NKAIN2: variants seen among roughly 807,000 people sequenced by gnomAD.
NKAIN2 encodes sodium/potassium-transporting ATPase subunit beta-1-interacting protein 2.
NKAIN2 carries 14 observed loss-of-function variants against 32.6 expected under a neutral mutation model. That is an observed-to-expected ratio of 0.43 (90% CI 0.28 to 0.67). The LOEUF is 0.67. NKAIN2 is among the 30% of genes least tolerant of loss of function. NKAIN2 has a pLI of 0.17. For missense variants in NKAIN2, 198 were observed against 258.3 expected (o/e 0.77, Z 1.60); for synonymous variants, 80 against 87.2 (o/e 0.92, Z 0.46).
At chr6:124,445,803 T>C (rs1306033905) in intron 3 of NKAIN2, among the ~76,000 whole-genome samples, 1 of 151,846 alleles carries the variant, frequency 6.6e-6, no homozygotes, top group Non-Finnish European at 1.5e-5. Context: ...AAACAGACAC[T>C]GCTGCCCAGG....
At chr6:124,047,295 C>A (rs183455308) in intron 1 of NKAIN2, among the ~76,000 whole-genome samples, 94 of 152,040 alleles carry the variant, frequency 6.2e-4, no homozygotes, top group African/African-American at 2.1e-3. Flanking sequence ...GTATTTGCCA[C>A]AAATAACTAT....
chr6:124,408,405 T>C (rs570202400), intron 3 of NKAIN2, among the ~76,000 whole-genome samples: 358 of 152,342 alleles, frequency 2.3e-3, no homozygotes, highest in African/African-American at 8.0e-3. Context: ...AGTTTCAGCT[T>C]TCTACACATG....
chr6:124,734,367 C>T (rs115377865), intron 4 of NKAIN2, among the ~76,000 whole-genome samples: 6 of 151,894 alleles, frequency 4.0e-5, no homozygotes, highest in African/African-American at 1.4e-4. Flanking sequence ...GCCTTATCTA[C>T]AGTTCACTGT....
chr6:124,616,407 AT>A (rs1262807065), intron 3 of NKAIN2, among the ~76,000 whole-genome samples: 3 of 82,930 alleles, frequency 3.6e-5, no homozygotes, highest in African/African-American at 5.4e-5. Flanking sequence ...TGTTCTTATT[AT>A]TTTTTTCTTT....
At chr6:124,172,300 G>A (rs1387552577) in intron 1 of NKAIN2, among the ~76,000 whole-genome samples, 1 of 152,170 alleles carries the variant, frequency 6.6e-6, no homozygotes. Context: ...AGGTGAAGTG[G>A]AATGGAATGA....
chr6:124,409,453 A>G (rs1007193986), intron 3 of NKAIN2, among the ~76,000 whole-genome samples: 1 of 152,104 alleles, frequency 6.6e-6, no homozygotes, highest in Non-Finnish European at 1.5e-5. Flanking sequence ...TGAGATAATC[A>G]TGTGGTTTTT....
intron 1 of NKAIN2, among the ~76,000 whole-genome samples, chr6:124,151,191 G>A (rs1787700781): frequency 1.3e-5 from 2 of 151,574 alleles, no homozygotes; most frequent in South Asian, 4.2e-4. Flanking sequence ...TTATCATCTA[G>A]TATAACAAAA....
intron 3 of NKAIN2, among the ~76,000 whole-genome samples, chr6:124,405,248 T>G (rs1342254531): frequency 6.6e-6 from 1 of 152,186 alleles, no homozygotes; most frequent in Non-Finnish European, 1.5e-5. Flanking sequence ...CAAAATATGG[T>G]AAAACCACAA....
chr6:124,266,997 T>A (rs1297056021), intron 1 of NKAIN2, among the ~76,000 whole-genome samples: 1 of 151,670 alleles, frequency 6.6e-6, no homozygotes, highest in Non-Finnish European at 1.5e-5. Flanking sequence ...ATAAAGAGAT[T>A]CTATAAAGAT....
intron 3 of NKAIN2, among the ~76,000 whole-genome samples, chr6:124,611,491 A>T (rs1782687224): frequency 6.6e-6 from 1 of 152,200 alleles, no homozygotes; most frequent in Non-Finnish European, 1.5e-5. Context: ...TAAGCCCTGC[A>T]TGCATTAAGT....
At chr6:124,093,606 A>G (rs1004272259) in intron 1 of NKAIN2, among the ~76,000 whole-genome samples, 1 of 152,138 alleles carries the variant, frequency 6.6e-6, no homozygotes, top group Admixed American at 6.5e-5. Flanking sequence ...AGATTTAGAA[A>G]TATGTATAGT....
intron 3 of NKAIN2, among the ~76,000 whole-genome samples, chr6:124,481,795 T>G (rs1225095524): frequency 2.0e-5 from 3 of 152,008 alleles, no homozygotes; most frequent in African/African-American, 7.2e-5. Flanking sequence ...GAGACTTGAG[T>G]GTTTCTATAG....
At chr6:124,700,550 G>C (rs895845563) in intron 4 of NKAIN2, among the ~76,000 whole-genome samples, 2 of 152,090 alleles carry the variant, frequency 1.3e-5, no homozygotes, top group East Asian at 3.9e-4. Flanking sequence ...ATTTCTGCCA[G>C]CTTTCTTCAA....
chr6:124,246,164 T>C (rs1793384984), intron 1 of NKAIN2, among the ~76,000 whole-genome samples: 1 of 152,088 alleles, frequency 6.6e-6, no homozygotes, highest in African/African-American at 2.4e-5. Context: ...ACTAATAAGA[T>C]AGTGTTTCAA....
intron 2 of NKAIN2, among the ~76,000 whole-genome samples, chr6:124,334,061 A>G (rs1285190141): frequency 1.3e-5 from 2 of 152,182 alleles, no homozygotes; most frequent in Non-Finnish European, 2.9e-5. Flanking sequence ...CCTGCTATCC[A>G]TGTTTCCGTC....
At chr6:124,381,343 C>T (rs1772626026) in intron 3 of NKAIN2, among the ~76,000 whole-genome samples, 1 of 152,016 alleles carries the variant, frequency 6.6e-6, no homozygotes, top group African/African-American at 2.4e-5. Flanking sequence ...ATATTCATAG[C>T]TATCACAGAA....
rs1238080569 is a variant in NKAIN2 at position 124,353,398 on chromosome 6, TA to T, written c.193-1861del. ...GGAGGTGATATTTGAATTAACCTTT[TA>T]AAAAAAATGATAGGTGGTAAGAAGA... is the stretch of plus-strand genomic sequence containing the variant. On this transcript the variant is annotated intron_variant, in intron 2 of 6. Transcript: ENST00000368417. Among the ~76,000 whole-genome samples the T allele has an allele frequency of 3.3e-5, 5 of 152,072 alleles. No individual in the cohort carries two copies. In the East Asian group the frequency reaches 9.7e-4, roughly 29 times the overall value.
intron 5 of NKAIN2, among the ~76,000 whole-genome samples, chr6:124,814,430 A>T (rs1291583771): frequency 6.6e-6 from 1 of 152,144 alleles, no homozygotes; most frequent in Non-Finnish European, 1.5e-5. Context: ...TTACATTCAG[A>T]GCTGCTTCTT....
intron 2 of NKAIN2, among the ~76,000 whole-genome samples, chr6:124,352,406 T>C (rs1798774590): frequency 1.3e-5 from 2 of 152,352 alleles, no homozygotes; most frequent in South Asian, 2.1e-4. Flanking sequence ...CTATTCCATA[T>C]ATACCATGTG....
Sources: gnomAD v4.1 joint callset for allele counts (sites outside exome capture counted in the v4.1 genomes callset) on GRCh38, gnomAD v4.1.1 for gene constraint, MANE v1.5 for transcripts, NCBI Gene and HGNC (gene_info 2026-07-23, HGNC 2026-07-21) for gene names.